PLXDC2: variants seen among roughly 807,000 people sequenced by gnomAD.
PLXDC2 encodes plexin domain containing 2.
PLXDC2 carries 40 observed loss-of-function variants against 68.9 expected under a neutral mutation model. That is an observed-to-expected ratio of 0.58 (90% CI 0.45 to 0.76). The LOEUF (loss-of-function observed/expected upper bound fraction) is 0.76, where lower values mean the gene tolerates loss of function less well. Ranked by LOEUF, PLXDC2 falls within the 30% of genes least tolerant of loss-of-function variation. The pLI, the probability that PLXDC2 is intolerant of heterozygous loss-of-function variation, is 0.00. For missense variants in PLXDC2, 644 were observed against 661.9 expected, an observed-to-expected ratio of 0.97 and a Z score of 0.30; for synonymous variants, 243 against 234.2, an observed-to-expected ratio of 1.04 and a Z score of -0.34.
chr10:20,179,680 A>G (rs1256183001), intron 9 of PLXDC2, among the ~76,000 whole-genome samples: 1 of 152,128 alleles, frequency 6.6e-6, no homozygotes, highest in Non-Finnish European at 1.5e-5. Flanking sequence ...TTAAACTTCC[A>G]AACAAGCAAT....
intron 1 of PLXDC2, among the ~76,000 whole-genome samples, chr10:19,971,059 T>G (rs1020754297): frequency 1.3e-5 from 2 of 152,208 alleles, no homozygotes; most frequent in Admixed American, 6.6e-5. Flanking sequence ...TGATTCTCTT[T>G]GTCTTAGTAA....
chr10:20,132,139 A>G (rs1439623414), intron 4 of PLXDC2, among the ~76,000 whole-genome samples: 1 of 152,108 alleles, frequency 6.6e-6, no homozygotes, highest in Non-Finnish European at 1.5e-5. Context: ...TAATTTTCAC[A>G]TATTTGCAAA....
chr10:19,976,732 A>G (rs527469794), intron 1 of PLXDC2, among the ~76,000 whole-genome samples: 2 of 151,172 alleles, frequency 1.3e-5, no homozygotes, highest in East Asian at 1.9e-4. Flanking sequence ...CTCCCCCTCT[A>G]TATTTTACTT....
At chr10:20,140,413 C>CTATCTATA (rs1833988460) in intron 4 of PLXDC2, among the ~76,000 whole-genome samples, 1 of 146,526 alleles carries the variant, frequency 6.8e-6, no homozygotes, top group African/African-American at 2.5e-5. Context: ...AAATATCTAT[C>CTATCTATA]TATCTATCTA....
At chr10:19,863,212 C>T (rs1157006298) in intron 1 of PLXDC2, among the ~76,000 whole-genome samples, 6 of 152,080 alleles carry the variant, frequency 3.9e-5, no homozygotes, top group Admixed American at 2.6e-4. Flanking sequence ...CTTTTCCCTC[C>T]GGGTTTTGTT....
chr10:19,862,855 C>T (rs1837342006), intron 1 of PLXDC2, among the ~76,000 whole-genome samples: 1 of 152,110 alleles, frequency 6.6e-6, no homozygotes, highest in Non-Finnish European at 1.5e-5. Flanking sequence ...ATCTCTTATT[C>T]TTTCAGAATA....
intron 2 of PLXDC2, among the ~76,000 whole-genome samples, chr10:20,034,162 G>A (rs1231514961): frequency 6.6e-6 from 1 of 152,102 alleles, no homozygotes. Flanking sequence ...ACCCAACATA[G>A]CATGTCCTCT....
intron 1 of PLXDC2, among the ~76,000 whole-genome samples, chr10:19,886,838 G>C (rs1589519997): frequency 6.6e-6 from 1 of 152,126 alleles, no homozygotes; most frequent in East Asian, 1.9e-4. Context: ...ACTTAGAAGA[G>C]TCACAATATG....
chr10:19,943,688 C>T (rs1054797769), intron 1 of PLXDC2, among the ~76,000 whole-genome samples: 1 of 152,144 alleles, frequency 6.6e-6, no homozygotes, highest in South Asian at 2.1e-4. Context: ...TAAAGAAATA[C>T]TTCAAGTAGG....
intron 1 of PLXDC2, among the ~76,000 whole-genome samples, chr10:19,954,146 A>T (rs1323841009): frequency 2.6e-5 from 4 of 152,224 alleles, no homozygotes; most frequent in Non-Finnish European, 5.9e-5. Context: ...CAGTTAAGCA[A>T]AATGTGTGGG....
chr10:20,209,595 A>G (rs531523572), intron 9 of PLXDC2, among the ~76,000 whole-genome samples: 43 of 152,222 alleles, frequency 2.8e-4, no homozygotes, highest in African/African-American at 1.0e-3. Context: ...AAAGAAGAGA[A>G]ATATGGCTGT....
chr10:20,145,011 A>C (rs1834054091), intron 5 of PLXDC2, among the ~76,000 whole-genome samples: 1 of 152,210 alleles, frequency 6.6e-6, no homozygotes. Flanking sequence ...AAGTTCTTTA[A>C]AAACAAGGAC....
chr10:19,824,913 T>C (rs1322581702), intron 1 of PLXDC2, among the ~76,000 whole-genome samples: 8 of 152,312 alleles, frequency 5.3e-5, no homozygotes, highest in Admixed American at 2.0e-4. Context: ...AGGGGCCTGT[T>C]TGGAATTAGC....
intron 1 of PLXDC2, among the ~76,000 whole-genome samples, chr10:19,960,168 G>A (rs937115238): frequency 8.1e-5 from 11 of 136,240 alleles, no homozygotes; most frequent in African/African-American, 2.5e-4. Context: ...TACCAGACTG[G>A]CAACATATCT....
chr10:20,087,312 A>T (rs568460022), intron 4 of PLXDC2, among the ~76,000 whole-genome samples: 8 of 152,228 alleles, frequency 5.3e-5, no homozygotes, highest in Non-Finnish European at 1.2e-4. Context: ...TGTTTAGCTC[A>T]AAGATATTGA....
At chr10:20,176,454 AT>A (rs1195106640) in intron 7 of PLXDC2, among the ~76,000 whole-genome samples, 1 of 151,288 alleles carries the variant, frequency 6.6e-6, no homozygotes, top group African/African-American at 2.4e-5. Flanking sequence ...CTTTTATTGA[AT>A]TTCAAGCACA....
chr10:20,153,481 G>A (rs1290863642), intron 6 of PLXDC2, among the ~76,000 whole-genome samples: 1 of 152,020 alleles, frequency 6.6e-6, no homozygotes, highest in Admixed American at 6.6e-5. Context: ...AGTTTTCAGT[G>A]GAAGCTTTCC....
chr10:19,927,630 A>T (rs1833559340), intron 1 of PLXDC2, among the ~76,000 whole-genome samples: 1 of 134,132 alleles, frequency 7.5e-6, no homozygotes, highest in Admixed American at 8.4e-5. Flanking sequence ...TGAACCTGAG[A>T]GGTGGAGGGT....
At chr10:19,831,143 T>C (rs1470869848) in intron 1 of PLXDC2, among the ~76,000 whole-genome samples, 1 of 152,210 alleles carries the variant, frequency 6.6e-6, no homozygotes, top group Non-Finnish European at 1.5e-5. Context: ...ATTAAAATGA[T>C]TCAAATCTCA....
Sources: gnomAD v4.1 joint callset for allele counts (sites outside exome capture counted in the v4.1 genomes callset) on GRCh38, gnomAD v4.1.1 for gene constraint, MANE v1.5 for transcripts, NCBI Gene and HGNC (gene_info 2026-07-23, HGNC 2026-07-21) for gene names.